CNTN4: variants seen among roughly 807,000 people sequenced by gnomAD.
CNTN4 encodes the protein contactin-4.
CNTN4 carries 77 observed loss-of-function variants against 122.5 expected under a neutral mutation model. The ratio of observed to expected loss-of-function variants is 0.63; its 90% CI spans 0.52 to 0.76. CNTN4 has a LOEUF of 0.76. CNTN4 is among the 30% of genes least tolerant of loss of function. CNTN4 has a pLI of 0.00. For missense variants in CNTN4, 1,256 were observed against 1,259.1 expected, an observed-to-expected ratio of 1.00 and a Z score of 0.04; for synonymous variants, 512 against 447.0, an observed-to-expected ratio of 1.15 and a Z score of -1.83.
At chr3:2,128,490 G>C (rs900476286) in intron 2 of CNTN4, among the ~76,000 whole-genome samples, 1 of 152,134 alleles carries the variant, frequency 6.6e-6, no homozygotes, top group African/African-American at 2.4e-5. Context: ...AATGTCAGAG[G>C]CAGGGCTTGG....
chr3:2,463,896 T>A (rs1335787665), intron 3 of CNTN4, among the ~76,000 whole-genome samples: 3 of 152,154 alleles, frequency 2.0e-5, no homozygotes, highest in Non-Finnish European at 4.4e-5. Flanking sequence ...GATGCTGCCT[T>A]TATATGTGAA....
chr3:2,814,980 A>G (rs1324975916), intron 6 of CNTN4, among the ~76,000 whole-genome samples: 2 of 152,216 alleles, frequency 1.3e-5, no homozygotes, highest in African/African-American at 4.8e-5. Context: ...TCCATAATGT[A>G]TATTCCGTCT....
rs1701798445 is a variant in CNTN4 at position 3,056,331 on chromosome 3, G to T, written c.*111G>T. Reference sequence around the variant, plus strand: ...GTTGTTCAAGTACATCTTATTACTGGAATAAAAATGTTTTTTGCTTCTTTA... The same window carrying T: ...GTTGTTCAAGTACATCTTATTACTGTAATAAAAATGTTTTTTGCTTCTTTA... On this transcript the variant is annotated 3_prime_UTR_variant, in exon 25 of 25. Transcript: ENST00000418658. 1 of 833,036 alleles carries T rather than the reference G, an allele frequency of 1.2e-6. No individual in the cohort carries two copies. The highest frequency in any genetic ancestry group is 2.6e-5 in the East Asian group (1 of 38,610). The allele number at this position is 833,036 out of a possible 1,614,324, so 51.6% of individuals were successfully genotyped here. A position where few individuals can be genotyped will look rare whatever the true frequency, so the allele number is the denominator to read the frequency against.
chr3:2,706,422 C>T (rs1576516770), intron 4 of CNTN4, among the ~76,000 whole-genome samples: 2 of 152,164 alleles, frequency 1.3e-5, no homozygotes, highest in African/African-American at 4.8e-5. Context: ...TATGAATCAG[C>T]ATATAGAGGT....
At chr3:2,456,431 A>T (rs1486905856) in intron 3 of CNTN4, among the ~76,000 whole-genome samples, 1 of 152,134 alleles carries the variant, frequency 6.6e-6, no homozygotes, top group East Asian at 1.9e-4. Context: ...GCTTACACCG[A>T]TGTGCAGCCA....
chr3:2,394,874 C>G (rs150937161), intron 3 of CNTN4, among the ~76,000 whole-genome samples: 15 of 149,720 alleles, frequency 1.0e-4, no homozygotes, highest in Middle Eastern at 7.2e-3. Context: ...GCAACCTCTG[C>G]CTCCTGGGTT....
chr3:2,358,420 A>T (rs1343131615), intron 3 of CNTN4, among the ~76,000 whole-genome samples: 6 of 151,930 alleles, frequency 3.9e-5, no homozygotes, highest in African/African-American at 1.5e-4. Context: ...AGCATTTAAT[A>T]TATTTAGGAT....
chr3:2,852,832 G>A (rs2093568969), intron 7 of CNTN4, among the ~76,000 whole-genome samples: 1 of 152,174 alleles, frequency 6.6e-6, no homozygotes, highest in African/African-American at 2.4e-5. Flanking sequence ...TTGCCTAGAT[G>A]TCCCATAAAG....
chr3:2,358,616 A>C (rs970943059), intron 3 of CNTN4, among the ~76,000 whole-genome samples: 5 of 152,070 alleles, frequency 3.3e-5, no homozygotes, highest in African/African-American at 1.2e-4. Context: ...CTGCTATTTC[A>C]TATTCCCCAC....
intron 3 of CNTN4, among the ~76,000 whole-genome samples, chr3:2,358,035 G>C (rs1221811122): frequency 6.6e-6 from 1 of 152,204 alleles, no homozygotes; most frequent in African/African-American, 2.4e-5. Context: ...AGTGGATTGG[G>C]AACACCTGTG....
At chr3:2,938,994 G>A (rs116068738) in intron 13 of CNTN4, among the ~76,000 whole-genome samples, 1 of 152,198 alleles carries the variant, frequency 6.6e-6, no homozygotes, top group Non-Finnish European at 1.5e-5. Flanking sequence ...AGACAAGGCA[G>A]ATGATTTGGG....
Position 2,436,064 on chromosome 3 carries a change from G to C in CNTN4, c.-89+96831G>C, listed in dbSNP as rs186101819. Among the ~76,000 whole-genome samples the C allele has an allele frequency of 3.3e-5, 5 of 152,244 alleles. No individual in the cohort carries two copies. In the East Asian group the frequency reaches 5.8e-4, roughly 18 times the overall value. ...AAGTTGAATTGAATTAGTTTGAGTT[G>C]AATTGAATTGAATTGCTTTGAGAGA... On this transcript the variant is annotated intron_variant, in intron 3 of 24. Transcript: ENST00000418658.
At chr3:2,395,804 A>G (rs1406986266) in intron 3 of CNTN4, among the ~76,000 whole-genome samples, 1 of 152,156 alleles carries the variant, frequency 6.6e-6, no homozygotes, top group Non-Finnish European at 1.5e-5. Flanking sequence ...AGTATTCTAT[A>G]GCAGAACTAT....
At chr3:2,692,853 A>G (rs758564444) in intron 4 of CNTN4, among the ~76,000 whole-genome samples, 10 of 152,154 alleles carry the variant, frequency 6.6e-5, no homozygotes, top group Admixed American at 2.6e-4. Flanking sequence ...ATAAGGTTAG[A>G]GTAACTTTTT....
intron 14 of CNTN4, among the ~76,000 whole-genome samples, chr3:3,023,942 CTT>C (rs1698504614): frequency 6.6e-6 from 1 of 152,184 alleles, no homozygotes; most frequent in African/African-American, 2.4e-5. Flanking sequence ...CTTAATGACT[CTT>C]AGACATCAGT....
At chr3:2,596,643 G>A (rs1041757561) in intron 4 of CNTN4, among the ~76,000 whole-genome samples, 2 of 151,852 alleles carry the variant, frequency 1.3e-5, no homozygotes, top group Non-Finnish European at 2.9e-5. Context: ...TTTTATGAAT[G>A]CTTCTCAGAT....
At chr3:3,025,090 T>G (rs949034719) in intron 14 of CNTN4, among the ~76,000 whole-genome samples, 1 of 152,184 alleles carries the variant, frequency 6.6e-6, no homozygotes, top group Admixed American at 6.5e-5. Context: ...TCAAACTGCT[T>G]CTCACTAGTG....
At chr3:2,840,780 C>T (rs568645353) in intron 7 of CNTN4, among the ~76,000 whole-genome samples, 14 of 151,996 alleles carry the variant, frequency 9.2e-5, no homozygotes, top group South Asian at 8.3e-4. Flanking sequence ...AATTTTTAAG[C>T]GAGACTACTG....
intron 3 of CNTN4, among the ~76,000 whole-genome samples, chr3:2,440,881 GTA>G (rs58084301): frequency 0.028 from 3,571 of 129,796 alleles, 135 homozygotes; most frequent in African/African-American, 0.086. Context: ...ATGTATATAT[GTA>G]TATATATATA....
Sources: allele counts gnomAD v4.1 joint callset (sites outside exome capture counted in the v4.1 genomes callset), GRCh38; gene constraint gnomAD v4.1.1; transcripts MANE v1.5; gene names NCBI Gene and HGNC (gene_info 2026-07-23, HGNC 2026-07-21).